Variants in MID1 observed in about 807,000 individuals in gnomAD.
MID1 encodes midline 1.
MID1 carries 7 observed loss-of-function variants against 40.4 expected under a neutral mutation model. That is an observed-to-expected ratio of 0.17 (90% confidence interval 0.10 to 0.33). The LOEUF is 0.33. Among genes scored for constraint, MID1 ranks in the 10% least tolerant of loss-of-function variants. The pLI is 1.00. For missense variants in MID1, 367 were observed against 558.5 expected (o/e 0.66, Z 3.46); for synonymous variants, 229 against 221.2 (o/e 1.04, Z -0.31).
At chrX:10,601,749 G>A (rs1250292914) in intron 1 of MID1, among the ~76,000 whole-genome samples, 1 of 110,895 alleles carries the variant, frequency 9.0e-6, no homozygotes, top group African/African-American at 3.3e-5. Flanking sequence ...ACGTACGTGT[G>A]CACACACATT....
At chrX:10,590,451 G>A (rs991745229) in intron 1 of MID1, among the ~76,000 whole-genome samples, 1 of 111,414 alleles carries the variant, frequency 9.0e-6, no homozygotes, top group African/African-American at 3.3e-5. Flanking sequence ...AAGCAAATAA[G>A]GTTTGTGGGA....
chrX:10,497,412 T>C (rs1044150732), intron 3 of MID1, among the ~76,000 whole-genome samples: 1 of 112,095 alleles, frequency 8.9e-6, no homozygotes, highest in African/African-American at 3.2e-5. Flanking sequence ...TCCATCTCCA[T>C]ATCTGATCAC....
intron 1 of MID1, among the ~76,000 whole-genome samples, chrX:10,685,691 C>T (rs1392683809): frequency 9.0e-6 from 1 of 111,413 alleles, no homozygotes; most frequent in African/African-American, 3.3e-5. Flanking sequence ...GCTGTCCGTG[C>T]TTTGTTGAAC....
At chrX:10,700,845 G>A (rs773647092) in intron 1 of MID1, among the ~76,000 whole-genome samples, 128 of 111,873 alleles carry the variant, frequency 1.1e-3, no homozygotes, top group Non-Finnish European at 2.0e-3. Context: ...TTGTGACATC[G>A]TGGGAAAAAT....
intron 1 of MID1, among the ~76,000 whole-genome samples, chrX:10,822,168 GA>G (rs2147159935): frequency 9.0e-6 from 1 of 111,498 alleles, no homozygotes; most frequent in African/African-American, 3.3e-5. Flanking sequence ...ACAGAATAGA[GA>G]ACTCAGAAGT....
intron 1 of MID1, among the ~76,000 whole-genome samples, chrX:10,628,854 T>A (rs985934863): frequency 8.9e-6 from 1 of 112,264 alleles, no homozygotes; most frequent in African/African-American, 3.2e-5. Context: ...CATGGACCAG[T>A]TATACATCAG....
At chrX:10,522,031 G>A (rs747341271) in intron 3 of MID1, among the ~76,000 whole-genome samples, 2 of 111,334 alleles carry the variant, frequency 1.8e-5, no homozygotes, top group South Asian at 7.7e-4. Context: ...TAATAGAGAT[G>A]GGTTTTTGCC....
intron 1 of MID1, among the ~76,000 whole-genome samples, chrX:10,591,396 G>C (rs1267767578): frequency 8.9e-6 from 1 of 112,462 alleles, no homozygotes; most frequent in Non-Finnish European, 1.9e-5. Flanking sequence ...TCTGCCAGTT[G>C]TCTAAATCTA....
chrX:10,588,990 T>C (rs951081087), intron 1 of MID1, among the ~76,000 whole-genome samples: 3 of 111,478 alleles, frequency 2.7e-5, no homozygotes, highest in African/African-American at 9.8e-5. Flanking sequence ...TCAACATAGT[T>C]CCTAGTAGGG....
chrX:10,654,958 T>C (rs1177072552), intron 1 of MID1, among the ~76,000 whole-genome samples: 2 of 112,307 alleles, frequency 1.8e-5, no homozygotes, highest in African/African-American at 6.5e-5. Context: ...GACAAAAAAC[T>C]CTGCCTTTGA....
At chrX:10,791,410 T>A (rs1423808510) in intron 1 of MID1, among the ~76,000 whole-genome samples, 1 of 112,295 alleles carries the variant, frequency 8.9e-6, no homozygotes, top group Non-Finnish European at 1.9e-5. Context: ...AGACCATGTT[T>A]CAAGTTTGTT....
In MID1 at chrX:10,807,889, C is replaced by A. The variant is rs141277949; in HGVS notation, c.-187+25665G>T. On this transcript the variant is annotated intron_variant, in intron 1 of 10. Coordinates refer to the MID1 transcript ENST00000380785. ...TTGGAGGCACATCCTAGAACTTCTG[C>A]CTACTACCAGTGGGTATCCAGGTCT... Among the ~76,000 whole-genome samples the A allele has an allele frequency of 7.0e-3, 783 of 112,226 alleles. 1 individual carries two copies. Among genetic ancestry groups the A allele is most frequent in the Middle Eastern group, 0.018 (4 of 218 alleles).
At chrX:10,786,749 TAGGTGGGAATTGAACA>T (rs1450105206) in intron 1 of MID1, among the ~76,000 whole-genome samples, 2 of 93,726 alleles carry the variant, frequency 2.1e-5, no homozygotes, top group Non-Finnish European at 2.0e-5. Flanking sequence ...TTCTCACTCA[TAGGTGGGAATTGAACA>T]ATGAGAACAC....
chrX:10,643,812 A>C (rs1936231023), intron 1 of MID1, among the ~76,000 whole-genome samples: 1 of 111,825 alleles, frequency 8.9e-6, no homozygotes, highest in Non-Finnish European at 1.9e-5. Flanking sequence ...ACACCATGGA[A>C]TACTATGCAG....
At chrX:10,654,097 G>A (rs1265013265) in intron 1 of MID1, among the ~76,000 whole-genome samples, 1 of 111,529 alleles carries the variant, frequency 9.0e-6, no homozygotes, top group Non-Finnish European at 1.9e-5. Context: ...TGGCAAAGAC[G>A]GAATTCCAGC....
intron 1 of MID1, among the ~76,000 whole-genome samples, chrX:10,570,804 C>T (rs1934700746): frequency 8.9e-6 from 1 of 112,536 alleles, no homozygotes; most frequent in African/African-American, 3.2e-5. Flanking sequence ...CCAACATAAC[C>T]ATATTTAGAA....
chrX:10,573,514 G>A (rs942861809), intron 1 of MID1, among the ~76,000 whole-genome samples: 1 of 112,144 alleles, frequency 8.9e-6, no homozygotes, highest in African/African-American at 3.2e-5. Flanking sequence ...CCATCCCCAT[G>A]ACCCAGACAT....
intron 9 of MID1, among the ~76,000 whole-genome samples, chrX:10,451,984 T>C (rs1211735776): frequency 8.9e-6 from 1 of 112,314 alleles, no homozygotes; most frequent in Non-Finnish European, 1.9e-5. Flanking sequence ...ATGTTCTGTA[T>C]ACCCCAGTGA....
chrX:10,643,689 T>C (rs1237033975), intron 1 of MID1, among the ~76,000 whole-genome samples: 1 of 111,212 alleles, frequency 9.0e-6, no homozygotes, highest in African/African-American at 3.3e-5. Flanking sequence ...CATGCTGCTA[T>C]AAAGACACAT....
Sources: allele counts gnomAD v4.1 joint callset (sites outside exome capture counted in the v4.1 genomes callset), GRCh38; gene constraint gnomAD v4.1.1; transcripts MANE v1.5; gene names NCBI Gene and HGNC (gene_info 2026-07-23, HGNC 2026-07-21).